The following PRSS23 variants were observed in gnomAD, a reference collection of about 807,000 sequenced individuals.
PRSS23 encodes protease, serine 23.
Under a neutral mutation model 34.7 loss-of-function variants are expected in PRSS23, and 25 were observed. The observed-to-expected ratio is 0.72, with a 90% CI of 0.53 to 1.01. The LOEUF is 1.01. PRSS23 is among the 50% of genes least tolerant of loss of function. The pLI is 0.00. For synonymous variants in PRSS23, 176 were observed against 186.6 expected, an observed-to-expected ratio of 0.94 and a Z score of 0.46; for missense variants, 445 against 475.6, an observed-to-expected ratio of 0.94 and a Z score of 0.60.
intron 2 of PRSS23, among the ~76,000 whole-genome samples, chr11:86,833,935 C>T (rs1420171489): frequency 3.3e-5 from 5 of 152,098 alleles, no homozygotes; most frequent in Non-Finnish European, 7.4e-5. Context: ...GGGAGGGGTG[C>T]CTTCGATGTC....
At chr11:86,833,275 A>C in intron 2 of PRSS23, 1 of 1,572,068 alleles carries the variant, frequency 6.4e-7, no homozygotes. Flanking sequence ...GTTGGAGAGG[A>C]AGAAGTACAT....
chr11:86,889,675 C>T (rs1948828192), intron 2 of PRSS23, among the ~76,000 whole-genome samples: 1 of 152,236 alleles, frequency 6.6e-6, no homozygotes, highest in Non-Finnish European at 1.5e-5. Context: ...AACATGAATT[C>T]TGGAGGGACA....
At chr11:86,888,890 G>A (rs1590914650) in intron 2 of PRSS23, among the ~76,000 whole-genome samples, 2 of 152,286 alleles carry the variant, frequency 1.3e-5, no homozygotes, top group Admixed American at 1.3e-4. Context: ...CCTAGCAGAT[G>A]GCAAGTTTGC....
intron 1 of PRSS23, among the ~76,000 whole-genome samples, chr11:86,805,149 C>G (rs1325895191): frequency 6.6e-6 from 1 of 152,180 alleles, no homozygotes; most frequent in African/African-American, 2.4e-5. Flanking sequence ...CTCCTAGTCC[C>G]TGTCACATTT....
Position 86,800,591 on chromosome 11 carries a change from G to C in PRSS23, c.-74G>C, listed in dbSNP as rs931547272. ...GCATGGGAGCCGCGCGCTCTCTCCC[G>C]GCGCCCACACCTGTCTGAGCGGCGC... On this transcript the variant is annotated 5_prime_UTR_variant, in exon 1 of 2. Transcript: ENST00000280258. The C allele has an allele frequency of 1.0e-6, 1 of 985,052 alleles. No individual in the cohort carries two copies. The highest frequency in any genetic ancestry group is 1.2e-6 in the Non-Finnish European group (1 of 829,830). The allele number at this position is 985,052 out of a possible 1,614,324, so 61.0% of individuals were successfully genotyped here. A position where few individuals can be genotyped will look rare whatever the true frequency, so the allele number is the denominator to read the frequency against.
chr11:86,896,869 T>A (rs1170978133), intron 2 of PRSS23, among the ~76,000 whole-genome samples: 1 of 152,228 alleles, frequency 6.6e-6, no homozygotes, highest in Non-Finnish European at 1.5e-5. Context: ...CATTGAAAAC[T>A]TCTAATTCTC....
chr11:86,831,316 C>A (rs560526062), intron 2 of PRSS23, among the ~76,000 whole-genome samples: 1 of 151,980 alleles, frequency 6.6e-6, no homozygotes, highest in Admixed American at 6.5e-5. Flanking sequence ...AGCGGGTTTA[C>A]ACCTTTTTGT....
chr11:86,792,039 C>T (rs1036866214), intron 1 of PRSS23, among the ~76,000 whole-genome samples: 1 of 152,138 alleles, frequency 6.6e-6, no homozygotes, highest in South Asian at 2.1e-4. Flanking sequence ...CTGGTCACTA[C>T]CCCTATTTTG....
chr11:86,914,969 G>T (rs748735501), intron 2 of PRSS23, among the ~76,000 whole-genome samples: 1 of 152,190 alleles, frequency 6.6e-6, no homozygotes, highest in Non-Finnish European at 1.5e-5. Context: ...AGTGTATCAG[G>T]ATTCAGTTTT....
intron 2 of PRSS23, among the ~76,000 whole-genome samples, chr11:86,860,409 G>T: frequency 6.6e-6 from 1 of 151,154 alleles, no homozygotes; most frequent in Non-Finnish European, 1.5e-5. Flanking sequence ...GGGGGTGAGA[G>T]GATATTACTC....
At chr11:86,823,179 A>T (rs145232985) in intron 1 of PRSS23, among the ~76,000 whole-genome samples, 2 of 152,228 alleles carry the variant, frequency 1.3e-5, no homozygotes, top group African/African-American at 4.8e-5. Context: ...GGTAATAAGG[A>T]TGATACATAC....
intron 2 of PRSS23, among the ~76,000 whole-genome samples, chr11:86,901,441 A>G (rs1948911689): frequency 1.3e-5 from 2 of 152,184 alleles, no homozygotes; most frequent in Non-Finnish European, 2.9e-5. Context: ...ACCTCATCTC[A>G]TAACAGAATA....
At chr11:86,925,337 A>C (rs1278704957) in intron 2 of PRSS23, among the ~76,000 whole-genome samples, 1 of 150,952 alleles carries the variant, frequency 6.6e-6, no homozygotes, top group Non-Finnish European at 1.5e-5. Context: ...TGTGTCGTTT[A>C]CATTTATATG....
At chr11:86,889,785 A>G (rs972496407) in intron 2 of PRSS23, among the ~76,000 whole-genome samples, 1 of 152,200 alleles carries the variant, frequency 6.6e-6, no homozygotes, top group African/African-American at 2.4e-5. Context: ...TCCATCAGAA[A>G]TGTCAAATCC....
At chr11:86,889,950 C>T (rs111304424) in intron 2 of PRSS23, among the ~76,000 whole-genome samples, 5,711 of 152,214 alleles carry the variant, frequency 0.038, 143 homozygotes, top group Middle Eastern at 0.12. Flanking sequence ...GGTGTGGGAC[C>T]TGGAAATCCT....
At chr11:86,888,045 T>C (rs1185737066) in intron 2 of PRSS23, among the ~76,000 whole-genome samples, 2 of 146,480 alleles carry the variant, frequency 1.4e-5, no homozygotes, top group African/African-American at 5.1e-5. Flanking sequence ...AGAGTGAAAC[T>C]CTGTCTCAAA....
intron 2 of PRSS23, among the ~76,000 whole-genome samples, chr11:86,856,606 G>A (rs11234832): frequency 4.0e-5 from 6 of 151,846 alleles, no homozygotes; most frequent in Admixed American, 2.6e-4. Flanking sequence ...GAAACTGCAC[G>A]TTTAAGAAAA....
chr11:86,861,178 C>A (rs557404560), intron 2 of PRSS23, among the ~76,000 whole-genome samples: 24 of 141,358 alleles, frequency 1.7e-4, no homozygotes, highest in East Asian at 4.0e-4. Flanking sequence ...TATTACTCCC[C>A]ATGTCACGGG....
intron 2 of PRSS23, chr11:86,832,664 A>G (rs558644055): frequency 1.1e-4 from 46 of 417,974 alleles, no homozygotes; most frequent in African/African-American, 9.3e-4. Flanking sequence ...GGAAGATGAC[A>G]CATCTGAACT....
Sources: gnomAD v4.1 joint callset for allele counts (sites outside exome capture counted in the v4.1 genomes callset) on GRCh38, gnomAD v4.1.1 for gene constraint, MANE v1.5 for transcripts, NCBI Gene and HGNC (gene_info 2026-07-23, HGNC 2026-07-21) for gene names.